The following LRRC57 variants were observed in gnomAD, a reference collection of about 807,000 sequenced individuals.
LRRC57 encodes leucine rich repeat containing 57.
A neutral mutation model predicts 23.1 loss-of-function variants in LRRC57; 14 were observed. That is an observed-to-expected ratio of 0.61 (90% CI 0.40 to 0.95). The LOEUF (loss-of-function observed/expected upper bound fraction) is 0.95, where lower values mean the gene tolerates loss of function less well. Among genes scored for constraint, LRRC57 ranks in the 40% least tolerant of loss-of-function variants. The probability of loss-of-function intolerance (pLI) is 0.00; values close to 1 mark genes in which losing one functional copy is unlikely to be tolerated. For missense variants in LRRC57, 236 were observed against 284.4 expected, an observed-to-expected ratio of 0.83 and a Z score of 1.22; for synonymous variants, 106 against 115.2, an observed-to-expected ratio of 0.92 and a Z score of 0.51.
chr15:42,529,942 T>TAAGAC, the LRRC57 span: 1 of 1,016,580 alleles, frequency 9.8e-7, no homozygotes, highest in Non-Finnish European at 1.4e-6. Context: ...AGGTCTTAAT[T>TAAGAC]CTGATGAGGT....
In LRRC57 at chr15:42,541,025, C is replaced by T. The variant is rs1469603513; in HGVS notation, c.*3058G>A. ...CCAGCCTGGGTGAAAGAATGAGACT[C>T]CGTCTCAGAAAAAAAAAAAAAATGT... On this transcript the variant is annotated 3_prime_UTR_variant, in exon 6 of 6. Transcript: ENST00000397130. The T allele has an allele frequency of 6.7e-6, 1 of 149,280 alleles. No homozygotes were observed. The highest frequency in any genetic ancestry group is 6.7e-5 in the Admixed American group (1 of 15,008). The allele number at this position is 149,280 out of a possible 1,614,324, so 9.2% of individuals were successfully genotyped here. A position where few individuals can be genotyped will look rare whatever the true frequency, so the allele number is the denominator to read the frequency against.
chr15:42,536,816 T>C (rs1277562855), downstream of LRRC57, among the ~76,000 whole-genome samples: 3 of 152,218 alleles, frequency 2.0e-5, no homozygotes, highest in African/African-American at 4.8e-5. Context: ...CATTTACTTC[T>C]AGTTGTGTGG....
intron 3 of LRRC57, chr15:42,547,768 G>A: frequency 1.8e-6 from 1 of 547,650 alleles, no homozygotes; most frequent in Non-Finnish European, 3.2e-6. Flanking sequence ...GGGGCCCAAG[G>A]CACAATCCGA....
At chr15:42,535,416 G>A (rs1020754334), downstream of LRRC57, among the ~76,000 whole-genome samples, 7 of 151,330 alleles carry the variant, frequency 4.6e-5, no homozygotes, top group African/African-American at 7.3e-5. Flanking sequence ...GTTAACCGGC[G>A]TAAGAGGCCT....
Position 42,548,692 on chromosome 15 carries a change from C to A in LRRC57, c.-23+1G>T. 1 of 623,224 alleles carries A rather than the reference C, an allele frequency of 1.6e-6. No individual in the cohort carries two copies. Among genetic ancestry groups the A allele is most frequent in the South Asian group, 2.0e-5 (1 of 50,552 alleles). The allele number at this position is 623,224 out of a possible 1,614,324, so 38.6% of individuals were successfully genotyped here. ...GGAAGATCAGGGAGCCCCGGACTCG[C>A]CTCCCACCGCTCAGCTGCCGTAAGG... is the stretch of plus-strand genomic sequence containing the variant. On this transcript the variant is annotated splice_donor_variant, in intron 1 of 5. Transcript: ENST00000397130. LOFTEE classifies it low-confidence loss of function (5UTR_SPLICE).
chr15:42,544,275 A>T, intron 5 of LRRC57, 151 bp from the exon 6 acceptor site: 1 of 640,674 alleles, frequency 1.6e-6, no homozygotes, highest in Non-Finnish European at 2.6e-6. Flanking sequence ...TGAATTACAT[A>T]GTTTTGGCCA....
Position 42,542,938 on chromosome 15 carries a change from T to G in LRRC57, c.*1145A>C, listed in dbSNP as rs146017511. 3.9e-5 allele frequency: 6 copies of G among 152,366 alleles called. No homozygotes were observed. Among genetic ancestry groups the G allele is most frequent in the African/African-American group, 1.4e-4 (6 of 41,448 alleles). The allele number at this position is 152,366 out of a possible 1,614,324, so 9.4% of individuals were successfully genotyped here. ...AGAGTCGGAGTGCAATGGCATGATC[T>G]CGGCTCACTGCAACCTCTGCCTCCT... is the stretch of plus-strand genomic sequence containing the variant. On this transcript the variant is annotated 3_prime_UTR_variant, in exon 6 of 6. Transcript: ENST00000397130.
At chr15:42,544,842 C>CACACTATATATATATATATATATA in intron 5 of LRRC57, among the ~76,000 whole-genome samples, 3 of 98,050 alleles carry the variant, frequency 3.1e-5, no homozygotes, top group African/African-American at 2.0e-4. Context: ...CACACACACA[C>CACACTATATATATATATATATATA]TATATATATA....
intron 3 of LRRC57, 77 bp from the exon 4 acceptor site, chr15:42,547,606 A>G: frequency 7.5e-7 from 1 of 1,325,096 alleles, no homozygotes; most frequent in South Asian, 1.4e-5. Context: ...TAAAGACTAT[A>G]TGGCAGCCTG....
chr15:42,548,013 G>T, intron 3 of LRRC57, 93 bp downstream of exon 3: 2 of 1,396,452 alleles, frequency 1.4e-6, no homozygotes, highest in Non-Finnish European at 2.0e-6. Context: ...CTCCTGCACG[G>T]TTTCATAACA....
intron 4 of LRRC57, among the ~76,000 whole-genome samples, chr15:42,546,591 A>G (rs2057659133): frequency 6.6e-6 from 1 of 152,234 alleles, no homozygotes; most frequent in Non-Finnish European, 1.5e-5. Flanking sequence ...AGACACTAGA[A>G]AACTAAAGGC....
At chr15:42,530,519 A>C in the LRRC57 span, among the ~76,000 whole-genome samples, 1 of 152,172 alleles carries the variant, frequency 6.6e-6, no homozygotes, top group African/African-American at 2.4e-5. Flanking sequence ...CAACACTTTG[A>C]GAGGCGGAGG....
At chr15:42,535,164 T>C (rs549386817), downstream of LRRC57, among the ~76,000 whole-genome samples, 9 of 152,354 alleles carry the variant, frequency 5.9e-5, no homozygotes, top group East Asian at 1.9e-4. Context: ...CCATCATCAT[T>C]ATCTGGATAA....
At position 42,538,351 on chromosome 15, in the gene LRRC57, C is replaced by T. The variant is rs996276854; in HGVS notation, c.*5732G>A. On this transcript the variant is annotated 3_prime_UTR_variant, in exon 6 of 6. Coordinates refer to ENST00000397130, the MANE Select transcript of LRRC57 (RefSeq NM_153260.3). ...TAGTCATTTAAAAATTTATTTTTTC[C>T]ATAAAGTAAAAGCAAGTTTATTAAA... 4 of 151,906 alleles carry T rather than the reference C, an allele frequency of 2.6e-5. No homozygotes were observed. In the East Asian group the frequency reaches 5.8e-4, roughly 22 times the overall value. The allele number at this position is 151,906 out of a possible 1,614,324, so 9.4% of individuals were successfully genotyped here.
chr15:42,533,438 C>A (rs937280214), downstream of LRRC57, among the ~76,000 whole-genome samples: 1 of 152,168 alleles, frequency 6.6e-6, no homozygotes, highest in African/African-American at 2.4e-5. Context: ...TGCAACTACA[C>A]CCTCTGTAAT....
the LRRC57 span, among the ~76,000 whole-genome samples, chr15:42,530,012 T>C: frequency 6.6e-6 from 1 of 152,302 alleles, no homozygotes; most frequent in East Asian, 1.9e-4. Context: ...TTGGTGCATT[T>C]TGAAACCAGA....
rs2057616887 is a variant in LRRC57 at position 42,539,477 on chromosome 15, C to CAAAAATAAA, written c.*4605_*4606insTTTATTTTT. The CAAAAATAAA allele has an allele frequency of 2.3e-5, 1 of 43,650 alleles. No homozygotes were observed. The highest frequency in any genetic ancestry group is 1.1e-4 in the African/African-American group (1 of 9,212). The allele number at this position is 43,650 out of a possible 1,614,324, so 2.7% of individuals were successfully genotyped here. ...TGGGCGAAACAGACAGCCTCTGTCTCAAAAAAAAAAAAAAAAAAAAAGAGA... is the reference window on the plus strand; with the variant it reads ...TGGGCGAAACAGACAGCCTCTGTCTCAAAAATAAAAAAAAAAAAAAAAAAAAAAAAGAGA... On this transcript the variant is annotated 3_prime_UTR_variant, in exon 6 of 6. Coordinates refer to ENST00000397130, the MANE Select transcript of LRRC57 (RefSeq NM_153260.3).
In LRRC57 at chr15:42,538,417, C is replaced by T. The variant is rs1246293600; in HGVS notation, c.*5666G>A. The T allele has an allele frequency of 6.6e-6, 1 of 152,030 alleles. No homozygotes were observed. The highest frequency in any genetic ancestry group is 1.5e-5 in the Non-Finnish European group (1 of 68,006). The allele number at this position is 152,030 out of a possible 1,614,324, so 9.4% of individuals were successfully genotyped here. The stretch of plus-strand genomic sequence containing the variant: ...AAGAATGGCTACTCCATAGGCAGAG[C>T]AGCCTATTTTTTATTATTTTTTTGG... On this transcript the variant is annotated 3_prime_UTR_variant, in exon 6 of 6. Transcript: ENST00000397130.
downstream of LRRC57, among the ~76,000 whole-genome samples, chr15:42,535,634 G>A (rs926994180): frequency 5.9e-5 from 9 of 152,022 alleles, no homozygotes; most frequent in Admixed American, 3.9e-4. Context: ...AGGCTGGTTC[G>A]AACTCCTGAC....
Sources: allele counts gnomAD v4.1 joint callset (sites outside exome capture counted in the v4.1 genomes callset), GRCh38; gene constraint gnomAD v4.1.1; transcripts MANE v1.5; gene names NCBI Gene and HGNC (gene_info 2026-07-23, HGNC 2026-07-21).